The following MGLL variants were observed in gnomAD, a reference collection of about 807,000 sequenced individuals.
The protein encoded by MGLL is monoglyceride lipase, also known as lysophospholipase homolog.
Under a neutral mutation model 29.1 loss-of-function variants are expected in MGLL, and 7 were observed. The observed-to-expected ratio is 0.24, with a 90% CI of 0.14 to 0.45. MGLL has a LOEUF of 0.45. Ranked by LOEUF, MGLL falls within the 20% of genes least tolerant of loss-of-function variation. The pLI is 0.99. For missense variants in MGLL, 356 were observed against 413.6 expected, an observed-to-expected ratio of 0.86 and a Z score of 1.21; for synonymous variants, 148 against 168.3, an observed-to-expected ratio of 0.88 and a Z score of 0.93.
intron 3 of MGLL, among the ~76,000 whole-genome samples, chr3:127,752,733 C>T (rs1375109682): frequency 6.6e-6 from 1 of 152,076 alleles, no homozygotes; most frequent in Non-Finnish European, 1.5e-5. Flanking sequence ...ATCCACAGAC[C>T]AATAACTGAC....
chr3:127,721,601 G>A (rs143590601), intron 4 of MGLL, among the ~76,000 whole-genome samples: 1 of 142,820 alleles, frequency 7.0e-6, no homozygotes, highest in South Asian at 2.2e-4. Flanking sequence ...AAAGGTCCTA[G>A]AAATTTAAAT....
intron 3 of MGLL, among the ~76,000 whole-genome samples, chr3:127,772,857 C>T (rs2076972616): frequency 6.6e-6 from 1 of 152,314 alleles, no homozygotes; most frequent in East Asian, 1.9e-4. Flanking sequence ...CTCTAGCCCT[C>T]TTCCCACCAT....
At chr3:127,756,780 G>T (rs2107676900) in intron 3 of MGLL, among the ~76,000 whole-genome samples, 1 of 152,264 alleles carries the variant, frequency 6.6e-6, no homozygotes, top group African/African-American at 2.4e-5. Context: ...ATTCCTAACT[G>T]ATGTAGAAAT....
chr3:127,820,046 T>C lies in MGLL; in HGVS notation c.155+1648A>G, dbSNP rs2077831793. On this transcript the variant is annotated intron_variant, in intron 2 of 7. Transcript: ENST00000265052. Reference sequence around the variant, plus strand: ...GTGTTCATACATGCTCATGGTTCTGTTGCTCTTTCTATTTCAGTGCTCCTG... The same window carrying C: ...GTGTTCATACATGCTCATGGTTCTGCTGCTCTTTCTATTTCAGTGCTCCTG... Among the ~76,000 whole-genome samples the C allele has an allele frequency of 2.0e-5, 3 of 152,182 alleles. No homozygotes were observed. The South Asian group carries it at 6.2e-4, about 32-fold the overall frequency.
intron 3 of MGLL, among the ~76,000 whole-genome samples, chr3:127,780,637 C>T (rs2077107963): frequency 6.6e-6 from 1 of 152,222 alleles, no homozygotes; most frequent in South Asian, 2.1e-4. Context: ...CCTGGCAAAT[C>T]ACATTTGCAG....
chr3:127,700,236 C>T (rs2075452633), intron 6 of MGLL, among the ~76,000 whole-genome samples: 1 of 152,216 alleles, frequency 6.6e-6, no homozygotes, highest in South Asian at 2.1e-4. Flanking sequence ...ACTGGCAAGT[C>T]TTTGCAGAGA....
intron 6 of MGLL, among the ~76,000 whole-genome samples, chr3:127,708,186 C>T (rs2075639997): frequency 6.6e-6 from 1 of 152,220 alleles, no homozygotes; most frequent in African/African-American, 2.4e-5. Flanking sequence ...AACACATTTT[C>T]CCCTCAGCGT....
intron 2 of MGLL, among the ~76,000 whole-genome samples, chr3:127,800,967 G>A (rs1436359685): frequency 1.3e-5 from 2 of 151,682 alleles, no homozygotes; most frequent in East Asian, 1.9e-4. Context: ...GTCAGAGAGA[G>A]TACGTATAGT....
chr3:127,771,401 T>G (rs578134999), intron 3 of MGLL, among the ~76,000 whole-genome samples: 1 of 152,314 alleles, frequency 6.6e-6, no homozygotes, highest in South Asian at 2.1e-4. Context: ...CAGGTTGGAG[T>G]GCAGTGGTGA....
intron 3 of MGLL, among the ~76,000 whole-genome samples, chr3:127,752,994 G>C (rs2076587605): frequency 6.6e-6 from 1 of 152,090 alleles, no homozygotes; most frequent in Non-Finnish European, 1.5e-5. Context: ...CTGAGTCAAT[G>C]GTCCTGCACA....
intron 2 of MGLL, among the ~76,000 whole-genome samples, chr3:127,791,904 C>G (rs970035516): frequency 1.3e-5 from 2 of 152,168 alleles, no homozygotes; most frequent in African/African-American, 4.8e-5. Flanking sequence ...AACCCCGTCT[C>G]TACTAAAATA....
chr3:127,822,078 C>T, intron 1 of MGLL: 1 of 648,058 alleles, frequency 1.5e-6, no homozygotes, highest in Non-Finnish European at 2.6e-6. Context: ...CAGTTTTTCC[C>T]CCTTCCCATC....
intron 3 of MGLL, among the ~76,000 whole-genome samples, chr3:127,743,572 TAAA>T (rs35691902): frequency 1.7e-4 from 7 of 40,718 alleles, no homozygotes; most frequent in Non-Finnish European, 2.4e-4. Context: ...CCACTAATGC[TAAA>T]AAAAAAAAAA....
intron 2 of MGLL, chr3:127,783,933 C>A (rs2077171445): frequency 6.6e-6 from 1 of 152,230 alleles, no homozygotes; most frequent in Non-Finnish European, 1.5e-5. Context: ...ACTTTAACCC[C>A]CTTTGGGAGC....
At chr3:127,714,681 G>A (rs2075781706) in intron 5 of MGLL, among the ~76,000 whole-genome samples, 1 of 152,160 alleles carries the variant, frequency 6.6e-6, no homozygotes, top group Non-Finnish European at 1.5e-5. Context: ...GAACAGAAAG[G>A]TCTCAGTGCA....
At chr3:127,779,018 G>C (rs1337543796) in intron 3 of MGLL, among the ~76,000 whole-genome samples, 5 of 152,170 alleles carry the variant, frequency 3.3e-5, no homozygotes, top group Non-Finnish European at 7.4e-5. Flanking sequence ...GCCTCCCAAA[G>C]TGCTGGGACT....
At chr3:127,794,695 T>C (rs1231372767) in intron 2 of MGLL, among the ~76,000 whole-genome samples, 1 of 152,220 alleles carries the variant, frequency 6.6e-6, no homozygotes, top group African/African-American at 2.4e-5. Flanking sequence ...TGGAACTTTC[T>C]TCTATGATGT....
At chr3:127,768,219 A>G (rs909832714) in intron 3 of MGLL, among the ~76,000 whole-genome samples, 1 of 152,218 alleles carries the variant, frequency 6.6e-6, no homozygotes, top group African/African-American at 2.4e-5. Context: ...TCTACCAAAC[A>G]TTGAAGGAAA....
chr3:127,757,256 C>T (rs1003342949), intron 3 of MGLL, among the ~76,000 whole-genome samples: 1 of 152,218 alleles, frequency 6.6e-6, no homozygotes, highest in Non-Finnish European at 1.5e-5. Flanking sequence ...AGCTGACCTA[C>T]AGACACAGGA....
Sources: allele counts gnomAD v4.1 joint callset (sites outside exome capture counted in the v4.1 genomes callset), GRCh38; gene constraint gnomAD v4.1.1; transcripts MANE v1.5; gene names NCBI Gene and HGNC (gene_info 2026-07-23, HGNC 2026-07-21).